The following TMCC2 variants were observed in gnomAD, a reference collection of about 807,000 sequenced individuals.
The protein encoded by TMCC2 is transmembrane and coiled-coil domains protein 2.
In TMCC2, 16 loss-of-function variants were observed where a neutral mutation model predicts 49.4. That is an observed-to-expected ratio of 0.32 (90% CI 0.22 to 0.49). The LOEUF (loss-of-function observed/expected upper bound fraction) is 0.49. Among genes scored for constraint, TMCC2 ranks in the 20% least tolerant of loss-of-function variants. TMCC2 has a pLI of 0.99. For synonymous variants in TMCC2, 397 were observed against 434.1 expected, an observed-to-expected ratio of 0.91 and a Z score of 1.06; for missense variants, 762 against 989.8, an observed-to-expected ratio of 0.77 and a Z score of 3.09.
chr1:205,234,369 C>T (rs1174762231), intron 1 of TMCC2, among the ~76,000 whole-genome samples: 2 of 152,082 alleles, frequency 1.3e-5, no homozygotes, highest in Non-Finnish European at 2.9e-5. Flanking sequence ...TTGCTTGAAC[C>T]TGGGAGGCGG....
intron 1 of TMCC2, chr1:205,229,666 T>G: frequency 3.1e-6 from 3 of 981,130 alleles, no homozygotes; most frequent in Non-Finnish European, 3.6e-6. Context: ...ACCCCCAGGG[T>G]GGAGAACTGA....
At chr1:205,262,927 CG>C (rs1202332110) in intron 2 of TMCC2, among the ~76,000 whole-genome samples, 4 of 152,084 alleles carry the variant, frequency 2.6e-5, no homozygotes, top group Admixed American at 2.0e-4. Context: ...GTGGTGAGTC[CG>C]TAGTAAAAGT....
intron 1 of TMCC2, chr1:205,233,941 C>T (rs1292539660): frequency 1.3e-5 from 2 of 151,758 alleles, no homozygotes; most frequent in East Asian, 1.9e-4. Context: ...AGACAAGCTA[C>T]TTCATAAGAA....
intron 2 of TMCC2, among the ~76,000 whole-genome samples, chr1:205,253,266 T>C (rs376531082): frequency 1.7e-4 from 26 of 152,160 alleles, no homozygotes; most frequent in Middle Eastern, 3.4e-3. Context: ...AGAAGGGGCA[T>C]GGCATAAAAA....
chr1:205,254,323 C>T (rs1183521865), intron 2 of TMCC2, among the ~76,000 whole-genome samples: 3 of 152,344 alleles, frequency 2.0e-5, no homozygotes, highest in East Asian at 1.9e-4. Flanking sequence ...ACAGTCTCAG[C>T]GCCTACAGTG....
rs1422090750 is a variant in TMCC2 at position 205,259,441 on chromosome 1, C to G, written c.748-9509C>G. Among the ~76,000 whole-genome samples, 3 of 152,314 alleles carry G rather than the reference C, an allele frequency of 2.0e-5. No homozygotes were observed. The East Asian group carries it at 5.8e-4, about 29-fold the overall frequency. The stretch of plus-strand genomic sequence containing the variant: ...AATGGCAGCTGTTTCTGTGGTCTAT[C>G]TTGAAAACTGCTTAATGCATTTACA... On this transcript the variant is annotated intron_variant, in intron 2 of 4. Coordinates refer to ENST00000358024, the MANE Select transcript of TMCC2 (RefSeq NM_014858.4).
chr1:205,235,746 TA>T (rs1482006064), intron 1 of TMCC2, among the ~76,000 whole-genome samples: 2 of 152,194 alleles, frequency 1.3e-5, no homozygotes, highest in African/African-American at 4.8e-5. Flanking sequence ...TGTTGGGGGA[TA>T]ACAGGTATGT....
intron 2 of TMCC2, among the ~76,000 whole-genome samples, chr1:205,263,979 A>C (rs1302362808): frequency 6.6e-6 from 1 of 152,216 alleles, no homozygotes; most frequent in East Asian, 1.9e-4. Flanking sequence ...TGGGCAAGTT[A>C]CATCTGTAGG....
At chr1:205,262,454 A>G (rs577940289) in intron 2 of TMCC2, among the ~76,000 whole-genome samples, 7 of 152,228 alleles carry the variant, frequency 4.6e-5, no homozygotes, top group Non-Finnish European at 8.8e-5. Context: ...TCTGCTTCTC[A>G]GAGTTGTAAC....
intron 1 of TMCC2, chr1:205,234,002 G>T (rs1659920634): frequency 6.6e-6 from 1 of 152,090 alleles, no homozygotes; most frequent in Non-Finnish European, 1.5e-5. Flanking sequence ...CAGGAGTGTT[G>T]TGATGGTTGC....
At chr1:205,262,266 T>C (rs1661148387) in intron 2 of TMCC2, among the ~76,000 whole-genome samples, 1 of 152,100 alleles carries the variant, frequency 6.6e-6, no homozygotes, top group African/African-American at 2.4e-5. Context: ...TGTAAACCTC[T>C]GTGAGGGGTA....
At chr1:205,266,598 A>C (rs895502689) in intron 2 of TMCC2, among the ~76,000 whole-genome samples, 1 of 151,416 alleles carries the variant, frequency 6.6e-6, no homozygotes, top group Admixed American at 6.6e-5. Flanking sequence ...CCAAAAAAAA[A>C]CAAAAAACAA....
intron 2 of TMCC2, among the ~76,000 whole-genome samples, chr1:205,254,890 T>C (rs1054766069): frequency 1.3e-5 from 2 of 152,186 alleles, no homozygotes; most frequent in African/African-American, 4.8e-5. Flanking sequence ...TCTCTTCCTT[T>C]TCCTCTGCTT....
At chr1:205,265,859 C>G (rs1661302380) in intron 2 of TMCC2, among the ~76,000 whole-genome samples, 1 of 151,454 alleles carries the variant, frequency 6.6e-6, no homozygotes, top group Admixed American at 6.6e-5. Context: ...GCACCTGGCC[C>G]CAGAACCCAT....
intron 2 of TMCC2, chr1:205,256,517 A>G: frequency 8.2e-7 from 1 of 1,222,322 alleles, no homozygotes; most frequent in Non-Finnish European, 1.2e-6. Flanking sequence ...ATTGGTGTCC[A>G]GGGCAGAGAC....
Position 205,272,413 on chromosome 1 carries a change from G to C in TMCC2, c.*289G>C, listed in dbSNP as rs1230530314. ...TTTTGATTATTTATAGTTACACAAG[G>C]ACTTCTCCCAGCTGACCCTCAGGAT... On this transcript the variant is annotated 3_prime_UTR_variant, in exon 5 of 5. Coordinates refer to ENST00000358024, the MANE Select transcript of TMCC2 (RefSeq NM_014858.4). The C allele has an allele frequency of 4.2e-6, 2 of 470,914 alleles. No individual in the cohort carries two copies. Among genetic ancestry groups the C allele is most frequent in the Non-Finnish European group, 7.4e-6 (2 of 269,652 alleles). The allele number at this position is 470,914 out of a possible 1,614,324, so 29.2% of individuals were successfully genotyped here. A position where few individuals can be genotyped will look rare whatever the true frequency, so the allele number is the denominator to read the frequency against.
intron 1 of TMCC2, 191 bp downstream of exon 1, chr1:205,228,962 T>G (rs902330785): frequency 8.5e-6 from 12 of 1,406,642 alleles, no homozygotes; most frequent in Non-Finnish European, 1.0e-5. Context: ...CAGCTCCGTG[T>G]CAGGTCTCTG....
chr1:205,242,781 G>C (rs1223362845), intron 2 of TMCC2, among the ~76,000 whole-genome samples: 1 of 152,176 alleles, frequency 6.6e-6, no homozygotes, highest in Non-Finnish European at 1.5e-5. Context: ...CTTGAGGAGA[G>C]AGCGAGGAGC....
intron 2 of TMCC2, among the ~76,000 whole-genome samples, chr1:205,266,639 A>G (rs1177892558): frequency 6.6e-6 from 1 of 151,904 alleles, no homozygotes; most frequent in Non-Finnish European, 1.5e-5. Context: ...AATTTTGTGT[A>G]GTTCTAGCAA....
Sources: gnomAD v4.1 joint callset for allele counts (sites outside exome capture counted in the v4.1 genomes callset) on GRCh38, gnomAD v4.1.1 for gene constraint, MANE v1.5 for transcripts, NCBI Gene and HGNC (gene_info 2026-07-23, HGNC 2026-07-21) for gene names.